Variants in WWC1 observed in about 807,000 individuals in gnomAD.
WWC1 encodes the protein WW and C2 domain containing 1, also known as protein KIBRA.
A neutral mutation model predicts 138.4 loss-of-function variants in WWC1; 55 were observed. That is an observed-to-expected ratio of 0.40 (90% CI 0.32 to 0.50). The LOEUF (loss-of-function observed/expected upper bound fraction) is 0.50. Among genes scored for constraint, WWC1 ranks in the 20% least tolerant of loss-of-function variants. The pLI, the probability that WWC1 is intolerant of heterozygous loss-of-function variation, is 0.72. For missense variants in WWC1, 1,226 were observed against 1,420.4 expected (o/e 0.86, Z 2.20); for synonymous variants, 524 against 564.9 (o/e 0.93, Z 1.03).
intron 1 of WWC1, among the ~76,000 whole-genome samples, chr5:168,307,673 T>C (rs989181759): frequency 1.0e-4 from 15 of 150,348 alleles, no homozygotes; most frequent in African/African-American, 3.2e-4. Flanking sequence ...GGTGCGATCT[T>C]GGCTCACTGC....
Position 168,363,891 on chromosome 5 carries a change from C to G in WWC1, c.120-7533C>G, listed in dbSNP as rs1311550792. Among the ~76,000 whole-genome samples the G allele has an allele frequency of 2.0e-5, 3 of 152,226 alleles. No homozygotes were observed. The East Asian group carries it at 5.8e-4, about 29-fold the overall frequency. On this transcript the variant is annotated intron_variant, in intron 1 of 22. Coordinates refer to ENST00000265293, the MANE Select transcript of WWC1 (RefSeq NM_015238.3). ...CTGACTCCAGACTTGTGAGTTTTAA[C>G]CACCACCGTGTATCTCTTAGGGTGA...
intron 1 of WWC1, among the ~76,000 whole-genome samples, chr5:168,323,968 CAT>C (rs1464227001): frequency 1.3e-5 from 2 of 152,166 alleles, no homozygotes; most frequent in African/African-American, 4.8e-5. Context: ...CAAACCAAAA[CAT>C]AACTGAATGA....
At chr5:168,405,271 C>T (rs1357520773) in intron 5 of WWC1, among the ~76,000 whole-genome samples, 2 of 152,160 alleles carry the variant, frequency 1.3e-5, no homozygotes, top group Admixed American at 6.5e-5. Context: ...GATTTTGCTC[C>T]GTCTCCCTCA....
intron 1 of WWC1, among the ~76,000 whole-genome samples, chr5:168,296,328 G>A (rs1375576293): frequency 6.6e-6 from 1 of 152,148 alleles, no homozygotes; most frequent in Non-Finnish European, 1.5e-5. Flanking sequence ...CATGCTGAGA[G>A]GATCCAGCAA....
Position 168,428,743 on chromosome 5 carries a change from C to T in WWC1, c.1956C>T (p.Asp652=), listed in dbSNP as rs200450132. The stretch of plus-strand genomic sequence containing the variant: ...CAGAAGCTGCTGCATTTGACAGTGA[C>T]GAATCGGAAGCAGTGGGTGCGACCC... ...GASEAAAFDS[D]ESEAVGATRI... The change falls in exon 13 of 23, where the codon GAC becomes GAT. Residue 652 remains aspartate (D), a synonymous_variant. Transcript: ENST00000265293. 113 of 1,613,740 alleles carry T rather than the reference C, an allele frequency of 7.0e-5. No individual in the cohort carries two copies. Among genetic ancestry groups the T allele is most frequent in the Admixed American group, 4.8e-4 (29 of 59,972 alleles).
chr5:168,404,461 C>T (rs1338071492), intron 5 of WWC1, among the ~76,000 whole-genome samples: 1 of 152,218 alleles, frequency 6.6e-6, no homozygotes, highest in East Asian at 1.9e-4. Context: ...GCTTTGTTTT[C>T]TCTCCATGGA....
chr5:168,399,040 C>T (rs1779121313), intron 4 of WWC1, among the ~76,000 whole-genome samples: 1 of 152,220 alleles, frequency 6.6e-6, no homozygotes, highest in African/African-American at 2.4e-5. Flanking sequence ...TACTAAGTTG[C>T]CTCTTGCCTC....
At chr5:168,451,666 T>A (rs1755826884) in intron 17 of WWC1, among the ~76,000 whole-genome samples, 2 of 152,096 alleles carry the variant, frequency 1.3e-5, no homozygotes, top group African/African-American at 2.4e-5. Context: ...GATCACACCA[T>A]GGCACTCCAG....
chr5:168,349,373 A>G (rs749039056), intron 1 of WWC1, among the ~76,000 whole-genome samples: 33 of 152,202 alleles, frequency 2.2e-4, no homozygotes, highest in Non-Finnish European at 4.1e-4. Flanking sequence ...TTATAACTAT[A>G]GAAAGGTTTT....
chr5:168,299,794 G>C (rs1037225565), intron 1 of WWC1, among the ~76,000 whole-genome samples: 4 of 152,168 alleles, frequency 2.6e-5, no homozygotes, highest in African/African-American at 9.7e-5. Context: ...CTTGCTGCAC[G>C]GTTCCCTCAG....
intron 8 of WWC1, among the ~76,000 whole-genome samples, chr5:168,411,433 T>G (rs1230754422): frequency 1.3e-5 from 2 of 152,208 alleles, no homozygotes; most frequent in African/African-American, 4.8e-5. Flanking sequence ...GTAGAACTCT[T>G]TGCAGAGATG....
intron 11 of WWC1, among the ~76,000 whole-genome samples, chr5:168,427,606 G>A (rs1781604657): frequency 7.2e-6 from 1 of 138,668 alleles, no homozygotes; most frequent in Admixed American, 7.6e-5. Context: ...GAATTTGGTG[G>A]AACCGTCTGT....
chr5:168,414,414 A>C lies in WWC1; in HGVS notation c.1008A>C (p.Ser336=), dbSNP rs2152843516. ...DSEAWPGVLD[S]ERDRLILINE... is the part of the protein sequence containing the mutation. ...AGGCCTGGCCTGGGGTGCTGGACTCAGAGAGGGACCGGCTGATCCTTATCA... is the reference window on the plus strand; with the variant it reads ...AGGCCTGGCCTGGGGTGCTGGACTCCGAGAGGGACCGGCTGATCCTTATCA... The change falls in exon 9 of 23, where the codon TCA becomes TCC. Residue 336 remains serine, a synonymous_variant. Transcript: ENST00000265293. 6.2e-7 allele frequency: 1 copy of C among 1,604,634 alleles called. No individual in the cohort carries two copies. Among genetic ancestry groups the C allele is most frequent in the Admixed American group, 1.7e-5 (1 of 58,770 alleles).
Position 168,307,998 on chromosome 5 carries a change from C to T in WWC1, c.119+15727C>T, listed in dbSNP as rs182976195. On this transcript the variant is annotated intron_variant, in intron 1 of 22. Transcript: ENST00000265293. ...AAAGGCTTCGTGAGAACCAAGTTTG[C>T]CTTTGACTGTTTGGTGCCTGAACGG... Among the ~76,000 whole-genome samples the T allele has an allele frequency of 2.8e-3, 420 of 152,266 alleles. 3 individuals are homozygous for T. The highest frequency in any genetic ancestry group is 9.5e-3 in the African/African-American group (394 of 41,552).
intron 3 of WWC1, among the ~76,000 whole-genome samples, chr5:168,389,227 T>A (rs535781728): frequency 6.6e-6 from 1 of 152,064 alleles, no homozygotes; most frequent in South Asian, 2.1e-4. Context: ...GGCAGGTGGA[T>A]CACGAGGTCA....
chr5:168,294,924 C>T (rs74431124), intron 1 of WWC1, among the ~76,000 whole-genome samples: 1 of 152,192 alleles, frequency 6.6e-6, no homozygotes, highest in Non-Finnish European at 1.5e-5. Context: ...CCACGCTTGG[C>T]CTTGGGTCAC....
intron 3 of WWC1, among the ~76,000 whole-genome samples, chr5:168,392,449 G>A (rs1778576609): frequency 1.3e-5 from 2 of 152,190 alleles, no homozygotes; most frequent in Admixed American, 1.3e-4. Flanking sequence ...CACTTTGAGA[G>A]GCCGAGATGG....
chr5:168,364,669 G>T (rs1776151261), intron 1 of WWC1, among the ~76,000 whole-genome samples: 1 of 152,184 alleles, frequency 6.6e-6, no homozygotes, highest in African/African-American at 2.4e-5. Context: ...TGAAATGAGG[G>T]TGGAAGGATG....
chr5:168,336,151 C>A (rs1370679635), intron 1 of WWC1, among the ~76,000 whole-genome samples: 1 of 152,170 alleles, frequency 6.6e-6, no homozygotes, highest in Non-Finnish European at 1.5e-5. Context: ...ATATGTGGGC[C>A]CCACAAAACC....
Sources: gnomAD v4.1 joint callset for allele counts (sites outside exome capture counted in the v4.1 genomes callset) on GRCh38, gnomAD v4.1.1 for gene constraint, MANE v1.5 for transcripts, NCBI Gene and HGNC (gene_info 2026-07-23, HGNC 2026-07-21) for gene names.